CECR2: variants seen among roughly 807,000 people sequenced by gnomAD.
CECR2 encodes chromatin remodeling regulator CECR2.
CECR2 carries 30 observed loss-of-function variants against 154.5 expected under a neutral mutation model. That is an observed-to-expected ratio of 0.19 (90% CI 0.15 to 0.26). The LOEUF (loss-of-function observed/expected upper bound fraction) is 0.26, where lower values mean the gene tolerates loss of function less well. CECR2 is among the 10% of genes least tolerant of loss of function. CECR2 has a pLI of 1.00. For missense variants in CECR2, 1,743 were observed against 1,829.3 expected, an observed-to-expected ratio of 0.95 and a Z score of 0.86; for synonymous variants, 725 against 683.7, an observed-to-expected ratio of 1.06 and a Z score of -0.94.
intron 8 of CECR2, among the ~76,000 whole-genome samples, chr22:17,515,954 C>T (rs1418867500): frequency 3.3e-5 from 5 of 152,196 alleles, no homozygotes; most frequent in Non-Finnish European, 7.3e-5. Flanking sequence ...GGATTACAGG[C>T]GTGAGCCACC....
intron 7 of CECR2, among the ~76,000 whole-genome samples, chr22:17,509,240 GA>G (rs202068862): frequency 6.6e-5 from 10 of 150,828 alleles, no homozygotes; most frequent in Admixed American, 6.6e-4. Flanking sequence ...GACAGATGGA[GA>G]AAAAAAAAGA....
At chr22:17,508,038 A>G (rs1303144232) in intron 7 of CECR2, among the ~76,000 whole-genome samples, 2 of 152,158 alleles carry the variant, frequency 1.3e-5, no homozygotes, top group African/African-American at 4.8e-5. Context: ...ATATCTTTGA[A>G]CGCCATACCT....
intron 7 of CECR2, among the ~76,000 whole-genome samples, chr22:17,508,019 C>G (rs998290244): frequency 3.9e-5 from 6 of 152,258 alleles, no homozygotes; most frequent in African/African-American, 7.2e-5. Context: ...TCTGTTCGTT[C>G]TGATATAGAT....
At chr22:17,531,411 C>T (rs997182163) in intron 9 of CECR2, among the ~76,000 whole-genome samples, 17 of 152,180 alleles carry the variant, frequency 1.1e-4, no homozygotes, top group South Asian at 2.1e-4. Flanking sequence ...TCTTCCTCAG[C>T]GTGCCTCCCG....
At chr22:17,484,424 A>C (rs1023702406) in intron 2 of CECR2, among the ~76,000 whole-genome samples, 1 of 152,134 alleles carries the variant, frequency 6.6e-6, no homozygotes, top group Admixed American at 6.5e-5. Context: ...ATACAGAAAA[A>C]CCAATAGTGA....
chr22:17,431,962 G>A (rs2054430976), intron 1 of CECR2, among the ~76,000 whole-genome samples: 1 of 152,080 alleles, frequency 6.6e-6, no homozygotes, highest in African/African-American at 2.4e-5. Context: ...CCATCCTCTG[G>A]AAACCACTGA....
At chr22:17,466,397 G>A (rs945760412) in intron 1 of CECR2, among the ~76,000 whole-genome samples, 2 of 152,140 alleles carry the variant, frequency 1.3e-5, no homozygotes, top group Non-Finnish European at 2.9e-5. Flanking sequence ...AACTTTCTAA[G>A]CATTTGGATT....
chr22:17,364,362 A>AAAAAAAAAAAAAAAAAAAAAAAAAAAG, intron 1 of CECR2, among the ~76,000 whole-genome samples: 1 of 133,412 alleles, frequency 7.5e-6, no homozygotes, highest in African/African-American at 3.3e-5. Context: ...AAAAAAAAAA[A>AAAAAAAAAAAAAAAAAAAAAAAAAAAG]GAATTTGTGC....
intron 1 of CECR2, among the ~76,000 whole-genome samples, chr22:17,377,453 G>A (rs1016313381): frequency 4.7e-5 from 7 of 150,264 alleles, no homozygotes; most frequent in Non-Finnish European, 1.0e-4. Context: ...TTTAAAGACA[G>A]TATCTCACTA....
intron 1 of CECR2, among the ~76,000 whole-genome samples, chr22:17,469,422 T>G (rs2055084897): frequency 6.6e-6 from 1 of 152,122 alleles, no homozygotes; most frequent in Admixed American, 6.5e-5. Flanking sequence ...GGGGAAGAAT[T>G]AGTTTCGACG....
chr22:17,423,834 T>C (rs993654066), intron 1 of CECR2, among the ~76,000 whole-genome samples: 7 of 152,184 alleles, frequency 4.6e-5, no homozygotes, highest in African/African-American at 1.4e-4. Flanking sequence ...CTTTGAGGAA[T>C]CTGAGAAGAC....
intron 1 of CECR2, among the ~76,000 whole-genome samples, chr22:17,432,620 C>T (rs961416053): frequency 2.0e-5 from 3 of 152,130 alleles, no homozygotes; most frequent in East Asian, 1.9e-4. Context: ...TCCACATCCT[C>T]GCCAACACTT....
At chr22:17,437,507 A>G (rs187744364) in intron 1 of CECR2, among the ~76,000 whole-genome samples, 30 of 151,950 alleles carry the variant, frequency 2.0e-4, no homozygotes, top group Middle Eastern at 3.4e-3. Flanking sequence ...ACATACGTAC[A>G]CTTCCTCGAC....
chr22:17,551,961 C>A, intron 17 of CECR2, 70 bp from the exon 18 acceptor site: 1 of 1,430,230 alleles, frequency 7.0e-7, no homozygotes, highest in Non-Finnish European at 9.8e-7. Context: ...CTCGTGACTA[C>A]AGTGTCTTGT....
At chr22:17,482,360 C>G (rs1049223871) in intron 2 of CECR2, among the ~76,000 whole-genome samples, 1 of 151,956 alleles carries the variant, frequency 6.6e-6, no homozygotes, top group South Asian at 2.1e-4. Flanking sequence ...GGAGGCAGAG[C>G]TTGCAGTGAG....
chr22:17,548,641 G>C lies in CECR2; in HGVS notation c.3354G>C (p.Pro1118=). Residue 1118 remains proline (P), a synonymous_variant, in exon 17 of 19, where the codon CCG becomes CCC. Coordinates refer to ENST00000262608, the MANE Select transcript of CECR2 (RefSeq NM_001290047.2). ...LTGGTVSQFP[P]LYMPGLEYPN... ...GAGGCACTGTGAGCCAGTTTCCCCC[G>C]CTGTATATGCCTGGCCTAGAGTACC... 6.2e-7 allele frequency: 1 copy of C among 1,612,824 alleles called. No homozygotes were observed. The highest frequency in any genetic ancestry group is 2.2e-5 in the East Asian group (1 of 44,834).
chr22:17,382,985 T>C (rs2063216708), intron 1 of CECR2, among the ~76,000 whole-genome samples: 1 of 152,114 alleles, frequency 6.6e-6, no homozygotes, highest in Admixed American at 6.5e-5. Context: ...CCCACCACTT[T>C]GGGAGGCCGA....
intron 7 of CECR2, among the ~76,000 whole-genome samples, chr22:17,507,944 C>A (rs1012379186): frequency 6.6e-6 from 1 of 152,094 alleles, no homozygotes; most frequent in African/African-American, 2.4e-5. Context: ...GTAAAGTTTT[C>A]TAAACCTTCA....
chr22:17,503,789 G>A (rs559254769), intron 6 of CECR2, among the ~76,000 whole-genome samples: 16 of 152,130 alleles, frequency 1.1e-4, no homozygotes, highest in Non-Finnish European at 1.9e-4. Context: ...GCTCATGCCT[G>A]TAATCCCAGC....
Sources: allele counts gnomAD v4.1 joint callset (sites outside exome capture counted in the v4.1 genomes callset), GRCh38; gene constraint gnomAD v4.1.1; transcripts MANE v1.5; gene names NCBI Gene and HGNC (gene_info 2026-07-23, HGNC 2026-07-21).